LRP4: variants seen among roughly 807,000 people sequenced by gnomAD.
LRP4 encodes the protein low-density lipoprotein receptor-related protein 4.
LRP4 carries 95 observed loss-of-function variants against 220.3 expected under a neutral mutation model. The ratio of observed to expected loss-of-function variants is 0.43; its 90% CI spans 0.37 to 0.51. The LOEUF (loss-of-function observed/expected upper bound fraction) is 0.51, where lower values mean the gene tolerates loss of function less well. Among genes scored for constraint, LRP4 ranks in the 20% least tolerant of loss-of-function variants. The pLI, the probability that LRP4 is intolerant of heterozygous loss-of-function variation, is 0.00. For missense variants in LRP4, 1,925 were observed against 2,567.0 expected, an observed-to-expected ratio of 0.75 and a Z score of 5.40; for synonymous variants, 903 against 954.6, an observed-to-expected ratio of 0.95 and a Z score of 1.00.
intron 1 of LRP4, among the ~76,000 whole-genome samples, chr11:46,917,608 G>A (rs1368759532): frequency 6.6e-6 from 1 of 152,154 alleles, no homozygotes; most frequent in Non-Finnish European, 1.5e-5. Context: ...CCCCAGCCAG[G>A]GCAGATCTGC....
At chr11:46,864,689 G>A (rs1398971463) in intron 35 of LRP4, among the ~76,000 whole-genome samples, 154 bp from the exon 36 acceptor site, 1 of 152,184 alleles carries the variant, frequency 6.6e-6, no homozygotes, top group Non-Finnish European at 1.5e-5. Context: ...TAGGTAAATG[G>A]GAGGTGCAGG....
chr11:46,896,156 G>A, intron 9 of LRP4, 54 bp downstream of exon 9: 1 of 1,611,126 alleles, frequency 6.2e-7, no homozygotes. Context: ...TGAACCCTAT[G>A]GGTGGGGTTC....
chr11:46,865,062 G>A, intron 35 of LRP4, 57 bp downstream of exon 35: 1 of 1,411,720 alleles, frequency 7.1e-7, no homozygotes, highest in Non-Finnish European at 9.8e-7. Context: ...AGATATCAGT[G>A]GAGACTTAGA....
chr11:46,899,762 G>A lies in LRP4; in HGVS notation c.430+101C>T. 9.9e-7 allele frequency: 1 copy of A among 1,006,366 alleles called. No homozygotes were observed. The highest frequency in any genetic ancestry group is 1.7e-5 in the Admixed American group (1 of 59,162). The allele number at this position is 1,006,366 out of a possible 1,614,324, so 62.3% of individuals were successfully genotyped here. ...TCTAGCTGCTCCAGATATCTGGGCAGTTGGAGGTTTGGCAGTGCTAGGGCC... is the reference window on the plus strand; with the variant it reads ...TCTAGCTGCTCCAGATATCTGGGCAATTGGAGGTTTGGCAGTGCTAGGGCC... On this transcript the variant is annotated intron_variant, in intron 4 of 37. Coordinates refer to ENST00000378623, the MANE Select transcript of LRP4 (RefSeq NM_002334.4). This position sits in a 1 kb window ranked among gnomAD's most constrained non-coding sequence, Gnocchi z 5.9.
chr11:46,890,620 A>ATT lies in LRP4; in HGVS notation c.1698-128_1698-127dup. The ATT allele has an allele frequency of 6.3e-6, 4 of 639,096 alleles. No homozygotes were observed. The highest frequency in any genetic ancestry group is 8.2e-6 in the Non-Finnish European group (3 of 366,142). 39.6% of individuals were successfully genotyped at this position (639,096 alleles called of 1,614,324 possible). A position where few individuals can be genotyped will look rare whatever the true frequency, so the allele number is the denominator to read the frequency against. ...CTCCAATGTTTGGTCCACAGAATGA[A>ATT]TTTTTTTTTTAGACGGGGTCTCATT... On this transcript the variant is annotated intron_variant, in intron 13 of 37. Coordinates refer to ENST00000378623, the MANE Select transcript of LRP4 (RefSeq NM_002334.4). This position sits in a 1 kb window ranked among gnomAD's most constrained non-coding sequence, Gnocchi z 5.3.
chr11:46,865,275 TG>T, intron 34 of LRP4, 89 bp from the exon 35 acceptor site: 1 of 902,906 alleles, frequency 1.1e-6, no homozygotes, highest in Admixed American at 2.0e-5. Flanking sequence ...GGCCTGTAAG[TG>T]GGGGCTTTCA....
rs1940416698 is a variant in LRP4 at position 46,857,769 on chromosome 11, A to C, written c.*1214T>G. 6.6e-6 allele frequency: 1 copy of C among 152,660 alleles called. No homozygotes were observed. Among genetic ancestry groups the C allele is most frequent in the Non-Finnish European group, 1.5e-5 (1 of 68,042 alleles). 9.5% of individuals were successfully genotyped at this position (152,660 alleles called of 1,614,324 possible). ...GAATGAGCATGAACCAAGTGATGGC[A>C]TCCCACATGGAAACTAAGCCCCTTA... On this transcript the variant is annotated 3_prime_UTR_variant, in exon 38 of 38. Transcript: ENST00000378623.
At chr11:46,917,997 C>G (rs1401414503) in intron 1 of LRP4, among the ~76,000 whole-genome samples, 1 of 152,220 alleles carries the variant, frequency 6.6e-6, no homozygotes, top group Non-Finnish European at 1.5e-5. Context: ...CACAGAGCCC[C>G]CGACCTAACC....
rs773322174 is a variant in LRP4 at position 46,873,605 on chromosome 11, C to T, written c.4230-12G>A. 25 of 1,606,936 alleles carry T rather than the reference C, an allele frequency of 1.6e-5. No individual in the cohort carries two copies. The highest frequency in any genetic ancestry group is 1.5e-4 in the South Asian group (14 of 90,672). Reference sequence around the variant, plus strand: ...TCAGGTCTGCTCGCCTTGGGGAGAGCCCAGTGTTGGATGAGCAACCAGACT... The same window carrying T: ...TCAGGTCTGCTCGCCTTGGGGAGAGTCCAGTGTTGGATGAGCAACCAGACT... On this transcript the variant is annotated splice_polypyrimidine_tract_variant and intron_variant, in intron 28 of 37. Coordinates refer to ENST00000378623, the MANE Select transcript of LRP4 (RefSeq NM_002334.4). This position sits in a 1 kb window ranked among gnomAD's most constrained non-coding sequence, Gnocchi z 4.2.
At position 46,918,203 on chromosome 11, in the gene LRP4, C is replaced by T. The variant is rs939868865; in HGVS notation, c.52+125G>A. ...CGGGTCCTCTCCCCTGCACGCAGCC[C>T]CAGGGCCACGGCTAGGAGCGAGGGC... is the stretch of plus-strand genomic sequence containing the variant. On this transcript the variant is annotated intron_variant, in intron 1 of 37. Coordinates refer to ENST00000378623, the MANE Select transcript of LRP4 (RefSeq NM_002334.4). The surrounding 1 kb of genome is among the most constrained non-coding windows in gnomAD (Gnocchi z 6.0). The T allele has an allele frequency of 1.9e-5, 21 of 1,085,580 alleles. No homozygotes were observed. Among genetic ancestry groups the T allele is most frequent in the Non-Finnish European group, 2.7e-5 (21 of 767,020 alleles). The allele number at this position is 1,085,580 out of a possible 1,614,324, so 67.2% of individuals were successfully genotyped here.
At chr11:46,888,567 A>AAAAAAAAAAAAAAAAAAAAAAC (rs1565792070) in intron 16 of LRP4, among the ~76,000 whole-genome samples, 1 of 149,292 alleles carries the variant, frequency 6.7e-6, no homozygotes, top group Admixed American at 6.7e-5. Flanking sequence ...AAAAAAAAAA[A>AAAAAAAAAAAAAAAAAAAAAAC]AAAAAAGAAT....
rs1390699442 is a variant in LRP4, at chr11:46,875,054, C to G, written c.3975G>C (p.Leu1325Phe). The G allele has an allele frequency of 1.9e-6, 3 of 1,613,310 alleles. No individual in the cohort carries two copies. In the African/African-American group the frequency reaches 4.0e-5, roughly 22 times the overall value. The change falls in exon 28 of 38, where the codon TTG (leucine) becomes TTC (phenylalanine). Residue 1325 changes from leucine (L) to phenylalanine (F), a missense_variant. By Grantham distance (22) the Leu-to-Phe change is conservative. Around this residue, in one of 3 missense-constraint regions of LRP4, gnomAD observed 1,244 missense variants for 1,624.9 expected, o/e 0.77. Coordinates refer to ENST00000378623, the MANE Select transcript of LRP4 (RefSeq NM_002334.4). This position sits in a 1 kb window ranked among gnomAD's most constrained non-coding sequence, Gnocchi z 4.5. ...CACAGGAGAAGCCAGAAGGCCGAGG[C>G]AAGCAGAGGTGGGAGCAGCCGCCAT... is the stretch of plus-strand genomic sequence containing the variant. ...SRNGGCSHLC[L>F]PRPSGFSCAC...
chr11:46,859,289 C>T lies in LRP4; in HGVS notation c.5412G>A (p.Lys1804=). 6.2e-7 allele frequency: 1 copy of T among 1,614,128 alleles called. No homozygotes were observed. Among genetic ancestry groups the T allele is most frequent in the Non-Finnish European group, 8.5e-7 (1 of 1,180,018 alleles). Residue 1804 remains lysine, a synonymous_variant, in exon 38 of 38, where the codon AAG becomes AAA. Coordinates refer to ENST00000378623, the MANE Select transcript of LRP4 (RefSeq NM_002334.4). ...TTCCCTCTACGATCTTGATCTTCTCCTTGGTGTAGTTATGGTCAGGCCCTC... is the reference window on the plus strand; with the variant it reads ...TTCCCTCTACGATCTTGATCTTCTCTTTGGTGTAGTTATGGTCAGGCCCTC... ...KEGGPDHNYT[K]EKIKIVEGIC...
At position 46,859,148 on chromosome 11, in the gene LRP4, CTGGA is replaced by C; in HGVS notation, c.5549_5552del (p.Ile1850ArgfsTer100). ...TGTCATCCAGGGAGCCAGAGCTGGC[CTGGA>C]TGGACACCGTGTCTGTCTTCATGCA... On this transcript the variant is annotated frameshift_variant, in exon 38 of 38. Coordinates refer to ENST00000378623, the MANE Select transcript of LRP4 (RefSeq NM_002334.4). LOFTEE classifies it high-confidence loss of function. 6.2e-7 allele frequency: 1 copy of C among 1,614,178 alleles called. No homozygotes were observed. Among genetic ancestry groups the C allele is most frequent in the Non-Finnish European group, 8.5e-7 (1 of 1,180,028 alleles).
Position 46,871,600 on chromosome 11 carries a change from G to A in LRP4, c.4617C>T (p.Ile1539=), listed in dbSNP as rs151261586. 5 of 1,612,648 alleles carry A rather than the reference G, an allele frequency of 3.1e-6. No homozygotes were observed. The African/African-American group carries it at 4.0e-5, about 13-fold the overall frequency. ...IYWVDAHLDR[I]ESADLNGKLR... ...GTTTCCCATTGAGGTCAGCACTCTC[G>A]ATCCGGTCCAGATGCGCATCCACCC... The change falls in exon 31 of 38, where the codon ATC becomes ATT. Residue 1539 remains isoleucine (I), a synonymous_variant. Transcript: ENST00000378623.
chr11:46,884,064 C>T (rs1489351083), intron 18 of LRP4, 88 bp from the exon 19 acceptor site: 2 of 976,434 alleles, frequency 2.0e-6, no homozygotes, highest in Non-Finnish European at 1.7e-6. Flanking sequence ...TGGTATGCGC[C>T]AGCAGAGCAC....
chr11:46,898,946 C>T lies in LRP4; in HGVS notation c.634G>A (p.Gly212Ser), dbSNP rs373107969. The T allele has an allele frequency of 4.3e-6, 7 of 1,613,824 alleles. No individual in the cohort carries two copies. The African/African-American group carries it at 6.7e-5, about 15-fold the overall frequency. The stretch of plus-strand genomic sequence containing the variant: ...GACCAGTCTCCACAGTCATCGTCGC[C>T]ATCGCAGTGGTAGATGTCGAGGATG... ...RCILDIYHCDGDDDCGDWSDE... is the reference protein window; with the variant it reads ...RCILDIYHCDSDDDCGDWSDE... Residue 212 changes from glycine (G) to serine (S), a missense_variant, in exon 6 of 38, where the codon GGC becomes AGC. Gly to Ser is a moderately conservative substitution (Grantham distance 56). Coordinates refer to ENST00000378623, the MANE Select transcript of LRP4 (RefSeq NM_002334.4).
At chr11:46,915,586 CCGGCTAG>C (rs1307756765) in intron 1 of LRP4, among the ~76,000 whole-genome samples, 1 of 152,204 alleles carries the variant, frequency 6.6e-6, no homozygotes, top group African/African-American at 2.4e-5. Context: ...CTCTGTCGCC[CCGGCTAG>C]AGTGCAGGGG....
chr11:46,910,197 A>G (rs1473006882), intron 1 of LRP4, among the ~76,000 whole-genome samples: 1 of 152,184 alleles, frequency 6.6e-6, no homozygotes, highest in Non-Finnish European at 1.5e-5. Context: ...CTCCAAAGTT[A>G]TGAGGCAGAA....
Sources: allele counts gnomAD v4.1 joint callset (sites outside exome capture counted in the v4.1 genomes callset), GRCh38; gene constraint gnomAD v4.1.1; regional missense constraint gnomAD v4.1.1; non-coding constraint Gnocchi (gnomAD v3.1); transcripts MANE v1.5; gene names NCBI Gene and HGNC (gene_info 2026-07-23, HGNC 2026-07-21).